Variants in POLD3 observed in about 807,000 individuals in gnomAD.
POLD3 encodes DNA polymerase delta subunit 3.
POLD3 carries 19 observed loss-of-function variants against 58.2 expected under a neutral mutation model. The ratio of observed to expected loss-of-function variants is 0.33; its 90% CI spans 0.23 to 0.48. POLD3 has a LOEUF of 0.48. Among genes scored for constraint, POLD3 ranks in the 20% least tolerant of loss-of-function variants. The pLI is 0.99. For synonymous variants in POLD3, 172 were observed against 193.5 expected, an observed-to-expected ratio of 0.89 and a Z score of 0.92; for missense variants, 504 against 545.5, an observed-to-expected ratio of 0.92 and a Z score of 0.76.
chr11:74,645,766 C>T (rs1374970051), downstream of POLD3, among the ~76,000 whole-genome samples: 1 of 152,062 alleles, frequency 6.6e-6, no homozygotes, highest in African/African-American at 2.4e-5. Context: ...ACTTTTATTC[C>T]CATTTTGCAC....
chr11:74,656,724 A>G (rs1030778105), intron 4 of POLD3, among the ~76,000 whole-genome samples: 1 of 145,438 alleles, frequency 6.9e-6, no homozygotes, highest in African/African-American at 2.6e-5. Flanking sequence ...GTCAAAGAAG[A>G]CATTTGATAA....
intron 4 of POLD3, among the ~76,000 whole-genome samples, chr11:74,662,677 C>G (rs1308156847): frequency 6.6e-6 from 1 of 152,082 alleles, no homozygotes; most frequent in Non-Finnish European, 1.5e-5. Context: ...CATTAGCCAA[C>G]CCAGCTGGTG....
chr11:74,649,910 A>C (rs998092874), intron 4 of POLD3, among the ~76,000 whole-genome samples: 1 of 152,184 alleles, frequency 6.6e-6, no homozygotes, highest in Non-Finnish European at 1.5e-5. Flanking sequence ...TGGAGAGCAG[A>C]CTGGCTCACT....
At chr11:74,614,300 A>C (rs947791762) in intron 5 of POLD3, among the ~76,000 whole-genome samples, 5 of 152,220 alleles carry the variant, frequency 3.3e-5, no homozygotes, top group African/African-American at 1.2e-4. Flanking sequence ...TCTGGAGGCA[A>C]GGCCATCAGG....
At chr11:74,632,923 CACACACACACAGTT>C (rs1186512703) in intron 9 of POLD3, among the ~76,000 whole-genome samples, 2 of 146,902 alleles carry the variant, frequency 1.4e-5, no homozygotes, top group African/African-American at 5.0e-5. Context: ...CACACACACA[CACACACACACAGTT>C]ACTCTATGTT....
chr11:74,617,685 C>CCA (rs1181686642), intron 5 of POLD3, among the ~76,000 whole-genome samples: 1 of 152,126 alleles, frequency 6.6e-6, no homozygotes, highest in Non-Finnish European at 1.5e-5. Flanking sequence ...CAGGCGTGAG[C>CCA]CACTGCACCT....
chr11:74,605,956 C>A (rs984497089), intron 3 of POLD3, among the ~76,000 whole-genome samples: 4 of 152,028 alleles, frequency 2.6e-5, no homozygotes, highest in Non-Finnish European at 5.9e-5. Context: ...TGGTGGCATG[C>A]GCCTGTAGTC....
intron 4 of POLD3, among the ~76,000 whole-genome samples, chr11:74,658,828 C>T (rs2033168815): frequency 6.6e-6 from 1 of 152,148 alleles, no homozygotes; most frequent in African/African-American, 2.4e-5. Context: ...TACAGCCTCT[C>T]TCCTGGCTGC....
In POLD3 at chr11:74,629,524, C is replaced by G. The variant is rs144088390; in HGVS notation, c.1006+201C>G. ...CTTTTGGAAATTTGTCAAAATAACACAGAAGGAAAGAGGATAAGAATTATT... is the reference window on the plus strand; with the variant it reads ...CTTTTGGAAATTTGTCAAAATAACAGAGAAGGAAAGAGGATAAGAATTATT... On this transcript the variant is annotated intron_variant, in intron 9 of 11. Coordinates refer to ENST00000263681, the MANE Select transcript of POLD3 (RefSeq NM_006591.3). Among the ~76,000 whole-genome samples, 512 of 152,054 alleles carry G rather than the reference C, an allele frequency of 3.4e-3. 3 individuals carry two copies. The highest frequency in any genetic ancestry group is 0.012 in the African/African-American group (482 of 41,472).
chr11:74,634,678 G>T lies in POLD3; in HGVS notation c.1102G>T (p.Glu368Ter). 1 of 1,603,968 alleles carries T rather than the reference G, an allele frequency of 6.2e-7. No homozygotes were observed. Among genetic ancestry groups the T allele is most frequent in the South Asian group, 1.1e-5 (1 of 90,894 alleles). Reference protein sequence around the residue: ...PLEPVPKTEPEPPSVKSSSGE... With the variant: ...PLEPVPKTEP ...TGAACCAGTGCCAAAGACTGAGCCT[G>T]AACCTCCTTCTGTCAAGGTAAAATT... The change falls in exon 10 of 12, where the codon GAA (glutamate) becomes TAA (stop). Residue 368 changes from glutamate (E) to a stop codon, truncating the protein, a stop_gained. Transcript: ENST00000263681. LOFTEE classifies it high-confidence loss of function.
chr11:74,597,483 C>T (rs2031316473), intron 2 of POLD3, among the ~76,000 whole-genome samples: 1 of 152,174 alleles, frequency 6.6e-6, no homozygotes, highest in Non-Finnish European at 1.5e-5. Flanking sequence ...TGTTTTGAGA[C>T]AGGGTTTCAC....
At chr11:74,629,137 A>T in intron 8 of POLD3, 80 bp from the exon 9 acceptor site, 1 of 808,516 alleles carries the variant, frequency 1.2e-6, no homozygotes, top group Non-Finnish European at 2.0e-6. Flanking sequence ...ACGAGTTATA[A>T]AGCAAAACCC....
At chr11:74,604,533 T>TC in intron 2 of POLD3, 159 bp from the exon 3 acceptor site, 1 of 544,116 alleles carries the variant, frequency 1.8e-6, no homozygotes, top group Non-Finnish European at 3.3e-6. Context: ...AGTCCATCCT[T>TC]TTTTTTTTTC....
intron 4 of POLD3, among the ~76,000 whole-genome samples, chr11:74,668,346 G>T (rs949388553): frequency 2.2e-4 from 33 of 152,116 alleles, no homozygotes; most frequent in Non-Finnish European, 4.7e-4. Context: ...GTGATGAATG[G>T]ATAAATGCAA....
At chr11:74,665,323 CA>C (rs143931611) in intron 4 of POLD3, among the ~76,000 whole-genome samples, 29,650 of 120,200 alleles carry the variant, frequency 0.25, 3,955 homozygotes, top group African/African-American at 0.42. Flanking sequence ...GACTCTGTCT[CA>C]AAAAAAAAAA....
In POLD3 at chr11:74,625,428, G is replaced by A; in HGVS notation, c.754G>A (p.Asp252Asn). 6.2e-7 allele frequency: 1 copy of A among 1,608,192 alleles called. No individual in the cohort carries two copies. The highest frequency in any genetic ancestry group is 8.5e-7 in the Non-Finnish European group (1 of 1,178,036). The change falls in exon 8 of 12, where the codon GAC becomes AAC. Residue 252 changes from aspartate to asparagine, a missense_variant. By Grantham distance (23) the Asp-to-Asn change is conservative. Transcript: ENST00000263681. ...AAMNKFKVNL[D>N]SEQAVKEEKI... ...TATAGATAAATTTAAAGTCAATTTG[G>A]ACTCAGAACAAGCAGTGAAAGAAGA...
intron 4 of POLD3, among the ~76,000 whole-genome samples, chr11:74,664,324 A>T (rs1274964248): frequency 6.6e-6 from 1 of 152,342 alleles, no homozygotes; most frequent in African/African-American, 2.4e-5. Context: ...AGATTTGTAC[A>T]CTAATGTTCA....
At chr11:74,596,319 G>T (rs557237699) in intron 2 of POLD3, among the ~76,000 whole-genome samples, 2 of 151,556 alleles carry the variant, frequency 1.3e-5, no homozygotes, top group East Asian at 3.9e-4. Flanking sequence ...AGGTAGCTGG[G>T]ACTACAGGCA....
rs1165839188 is a variant in POLD3, at chr11:74,629,284, A to G, written c.967A>G (p.Arg323Gly). The change falls in exon 9 of 12, where the codon AGA becomes GGA. Residue 323 changes from arginine (R) to glycine (G), a missense_variant. Coordinates refer to ENST00000263681, the MANE Select transcript of POLD3 (RefSeq NM_006591.3). ...ETENMRKKRRRIKLPESDSSE... is the reference protein window; with the variant it reads ...ETENMRKKRRGIKLPESDSSE... ...TGAAAACATGAGGAAAAAGAGGAGA[A>G]GAATCAAACTTCCTGAATCTGATAG... The G allele has an allele frequency of 1.2e-6, 2 of 1,609,490 alleles. No individual in the cohort carries two copies. Among genetic ancestry groups the G allele is most frequent in the African/African-American group, 1.3e-5 (1 of 74,660 alleles).
Sources: gnomAD v4.1 joint callset for allele counts (sites outside exome capture counted in the v4.1 genomes callset) on GRCh38, gnomAD v4.1.1 for gene constraint, MANE v1.5 for transcripts, NCBI Gene and HGNC (gene_info 2026-07-23, HGNC 2026-07-21) for gene names.